The following ATP1A1 variants were observed in gnomAD, a reference collection of about 807,000 sequenced individuals.
The protein encoded by ATP1A1 is ATPase Na+/K+ transporting subunit alpha 1, also known as sodium/potassium-transporting ATPase subunit alpha-1.
A neutral mutation model predicts 114.8 loss-of-function variants in ATP1A1; 14 were observed. That is an observed-to-expected ratio of 0.12 (90% CI 0.08 to 0.19). The LOEUF is 0.19. ATP1A1 is among the 10% of genes least tolerant of loss of function. The pLI is 1.00. For synonymous variants in ATP1A1, 471 were observed against 466.3 expected, an observed-to-expected ratio of 1.01 and a Z score of -0.13; for missense variants, 524 against 1,290.7, an observed-to-expected ratio of 0.41 and a Z score of 9.10.
At chr1:116,394,940 A>G (rs949333310) in intron 12 of ATP1A1, among the ~76,000 whole-genome samples, 170 bp from the exon 13 acceptor site, 13 of 152,144 alleles carry the variant, frequency 8.5e-5, no homozygotes, top group African/African-American at 2.2e-4. Context: ...CAGTGACTCT[A>G]TCGTTCATAA....
rs1651977619 is a variant in ATP1A1, at chr1:116,384,861, G to A, written c.183+19G>A. On this transcript the variant is annotated intron_variant, in intron 3 of 22. Coordinates refer to ENST00000295598, the MANE Select transcript of ATP1A1 (RefSeq NM_000701.8). This position sits in a 1 kb window ranked among gnomAD's most constrained non-coding sequence, Gnocchi z 5.1. ...GAGCCGGGTATGTTCTAGTTTGAAAGCTGTTGTACAAAATCCTAGTTTTCC... is the reference window on the plus strand; with the variant it reads ...GAGCCGGGTATGTTCTAGTTTGAAAACTGTTGTACAAAATCCTAGTTTTCC... The A allele has an allele frequency of 3.7e-6, 6 of 1,612,282 alleles. No individual in the cohort carries two copies. The highest frequency in any genetic ancestry group is 4.2e-6 in the Non-Finnish European group (5 of 1,178,558).
rs1653214869 is a variant in ATP1A1, at chr1:116,399,155, C to G, written c.2448+71C>G. On this transcript the variant is annotated intron_variant, in intron 17 of 22. Transcript: ENST00000295598. The surrounding 1 kb of genome is among the most constrained non-coding windows in gnomAD (Gnocchi z 5.0). ...TGTGTCTTCATTCACTGGCACTATG[C>G]TCCCAGCATCCATGAGGCTGGCGTT... is the stretch of plus-strand genomic sequence containing the variant. The G allele has an allele frequency of 3.8e-6, 6 of 1,596,672 alleles. No homozygotes were observed. Among genetic ancestry groups the G allele is most frequent in the Non-Finnish European group, 5.1e-6 (6 of 1,166,650 alleles).
At position 116,395,074 on chromosome 1, in the gene ATP1A1, C is replaced by T; in HGVS notation, c.1661-36C>T. 6.2e-7 allele frequency: 1 copy of T among 1,603,504 alleles called. No individual in the cohort carries two copies. Among genetic ancestry groups the T allele is most frequent in the Non-Finnish European group, 8.5e-7 (1 of 1,173,690 alleles). ...TGTTGTCCTTCTTACTGCCCAGCGT[C>T]ACTGAAATTTTCAAAGGCTCCTGTC... is the stretch of plus-strand genomic sequence containing the variant. On this transcript the variant is annotated intron_variant, in intron 12 of 22. Transcript: ENST00000295598. This position sits in a 1 kb window ranked among gnomAD's most constrained non-coding sequence, Gnocchi z 6.4.
rs775243249 is a variant in ATP1A1, at chr1:116,390,342, C to T, written c.1153C>T (p.Arg385Trp). Residue 385 changes from arginine to tryptophan, a missense_variant, in exon 9 of 23, where the codon CGG (arginine) becomes TGG (tryptophan). Transcript: ENST00000295598. ...TAAAACTGGAACTCTGACTCAGAAC[C>T]GGATGACAGTGGCCCACATGTGGTT... is the stretch of plus-strand genomic sequence containing the variant. ...SDKTGTLTQN[R>W]MTVAHMWFDN... 3 of 1,613,988 alleles carry T rather than the reference C, an allele frequency of 1.9e-6. No individual in the cohort carries two copies. The highest frequency in any genetic ancestry group is 1.7e-6 in the Non-Finnish European group (2 of 1,180,036).
At position 116,403,981 on chromosome 1, in the gene ATP1A1, T is replaced by C; in HGVS notation, c.3043+6T>C. The stretch of plus-strand genomic sequence containing the variant: ...CATCAGGCGACGCCCTGGCGGTAAT[T>C]ATGGGCATTCTGACTTTGGTTGGAG... On this transcript the variant is annotated splice_donor_region_variant and intron_variant, in intron 22 of 22. Coordinates refer to ENST00000295598, the MANE Select transcript of ATP1A1 (RefSeq NM_000701.8). 1 of 1,613,006 alleles carries C rather than the reference T, an allele frequency of 6.2e-7. No homozygotes were observed. Among genetic ancestry groups the C allele is most frequent in the South Asian group, 1.1e-5 (1 of 90,966 alleles).
intron 1 of ATP1A1, among the ~76,000 whole-genome samples, chr1:116,380,303 C>T (rs1043477053): frequency 7.9e-5 from 12 of 152,138 alleles, no homozygotes; most frequent in African/African-American, 2.9e-4. Flanking sequence ...CTTTCAAGTA[C>T]CCTCTAAACT....
chr1:116,400,404 G>A (rs937679255), intron 18 of ATP1A1, among the ~76,000 whole-genome samples: 4 of 152,156 alleles, frequency 2.6e-5, no homozygotes, highest in African/African-American at 7.2e-5. Flanking sequence ...GGATGCCAGG[G>A]GGAGGAGGGT....
At chr1:116,396,030 A>G (rs1652887190) in intron 13 of ATP1A1, among the ~76,000 whole-genome samples, 1 of 152,118 alleles carries the variant, frequency 6.6e-6, no homozygotes, top group South Asian at 2.1e-4. Flanking sequence ...TGGGGTTACA[A>G]GCGTGAGCCA....
rs1653226190 is a variant in ATP1A1, at chr1:116,399,294, CTT to C, written c.2449-124_2449-123del. 1.4e-6 allele frequency: 2 copies of C among 1,428,182 alleles called. No homozygotes were observed. Among genetic ancestry groups the C allele is most frequent in the Non-Finnish European group, 1.9e-6 (2 of 1,052,072 alleles). The allele number at this position is 1,428,182 out of a possible 1,614,324, so 88.5% of individuals were successfully genotyped here. The stretch of plus-strand genomic sequence containing the variant: ...TAACATTTGTTTATCAGATGGGAAT[CTT>C]TATTTTTGTATACTTCACCTAAAAG... On this transcript the variant is annotated intron_variant, in intron 17 of 22. Coordinates refer to ENST00000295598, the MANE Select transcript of ATP1A1 (RefSeq NM_000701.8). The surrounding 1 kb of genome is among the most constrained non-coding windows in gnomAD (Gnocchi z 5.0).
At position 116,389,746 on chromosome 1, in the gene ATP1A1, T is replaced by C. The variant is rs551268128; in HGVS notation, c.1023+39T>C. ...GATGGTCACCCTGACTCAGATCAGCTTGCACGAATGTTACACTCTTCCGCT... is the reference window on the plus strand; with the variant it reads ...GATGGTCACCCTGACTCAGATCAGCCTGCACGAATGTTACACTCTTCCGCT... On this transcript the variant is annotated intron_variant, in intron 8 of 22. Coordinates refer to ENST00000295598, the MANE Select transcript of ATP1A1 (RefSeq NM_000701.8). This position sits in a 1 kb window ranked among gnomAD's most constrained non-coding sequence, Gnocchi z 6.9. 3.7e-6 allele frequency: 6 copies of C among 1,611,160 alleles called. No individual in the cohort carries two copies. Among genetic ancestry groups the C allele is most frequent in the Non-Finnish European group, 4.2e-6 (5 of 1,177,744 alleles).
intron 18 of ATP1A1, among the ~76,000 whole-genome samples, chr1:116,400,240 A>G (rs1041302991): frequency 1.2e-4 from 18 of 152,252 alleles, no homozygotes; most frequent in African/African-American, 4.3e-4. Flanking sequence ...TATGGCAAAG[A>G]TTCATTAGAC....
rs1256886752 is a variant in ATP1A1, at chr1:116,404,630, C to A, written c.*186C>A. 2 of 1,312,074 alleles carry A rather than the reference C, an allele frequency of 1.5e-6. No homozygotes were observed. The highest frequency in any genetic ancestry group is 1.9e-6 in the Non-Finnish European group (2 of 1,034,606). The allele number at this position is 1,312,074 out of a possible 1,614,324, so 81.3% of individuals were successfully genotyped here. A position where few individuals can be genotyped will look rare whatever the true frequency, so the allele number is the denominator to read the frequency against. On this transcript the variant is annotated 3_prime_UTR_variant, in exon 23 of 23. Transcript: ENST00000295598. The surrounding 1 kb of genome is among the most constrained non-coding windows in gnomAD (Gnocchi z 4.8). ...CTATGGGGGGAGGGGGGAGGGCTGC[C>A]TGAAAACCATCCATCTGTGGAAATG...
In ATP1A1 at chr1:116,395,158, A is replaced by C; in HGVS notation, c.1709A>C (p.Gln570Pro). ...LPDEQFPEGFQFDTDDVNFPI... is the reference protein window; with the variant it reads ...LPDEQFPEGFPFDTDDVNFPI... ...GATGAACAGTTTCCTGAAGGGTTCC[A>C]GTTTGACACTGACGATGTGAATTTC... Residue 570 changes from glutamine to proline, a missense_variant, in exon 13 of 23, where the codon CAG becomes CCG. Physicochemically the swap from Gln to Pro is moderately conservative, Grantham distance 76 (BLOSUM62 -1). Coordinates refer to ENST00000295598, the MANE Select transcript of ATP1A1 (RefSeq NM_000701.8). The surrounding 1 kb of genome is among the most constrained non-coding windows in gnomAD (Gnocchi z 6.4). The C allele has an allele frequency of 6.2e-7, 1 of 1,614,144 alleles. No individual in the cohort carries two copies. Among genetic ancestry groups the C allele is most frequent in the Non-Finnish European group, 8.5e-7 (1 of 1,179,998 alleles).
chr1:116,402,651 T>C (rs552509000), intron 21 of ATP1A1, among the ~76,000 whole-genome samples: 1 of 152,332 alleles, frequency 6.6e-6, no homozygotes, highest in African/African-American at 2.4e-5. Flanking sequence ...TCCAAGCTCA[T>C]GTTAGGTGAA....
chr1:116,393,505 GT>G lies in ATP1A1; in HGVS notation c.1468-23del. 6.3e-7 allele frequency: 1 copy of G among 1,596,848 alleles called. No individual in the cohort carries two copies. The highest frequency in any genetic ancestry group is 1.1e-5 in the South Asian group (1 of 89,526). On this transcript the variant is annotated intron_variant, in intron 11 of 22. Transcript: ENST00000295598. This position sits in a 1 kb window ranked among gnomAD's most constrained non-coding sequence, Gnocchi z 5.0. ...ACTGCCACACATCCAACCATCCAAT[GT>G]TTATGTCTCAACAATCCTTCACAGT...
intron 1 of ATP1A1, among the ~76,000 whole-genome samples, chr1:116,380,567 A>G (rs943150678): frequency 9.9e-5 from 15 of 152,072 alleles, no homozygotes; most frequent in Admixed American, 9.2e-4. Flanking sequence ...TCTATCCCCA[A>G]CCCTGTCCCC....
intron 13 of ATP1A1, among the ~76,000 whole-genome samples, chr1:116,396,048 C>T (rs568920906): frequency 2.7e-4 from 41 of 152,272 alleles, no homozygotes; most frequent in African/African-American, 9.1e-4. Context: ...CCACCACACC[C>T]GGCCTACTCT....
In ATP1A1 at chr1:116,388,802, G is replaced by A. The variant is rs574643558; in HGVS notation, c.636+30G>A. On this transcript the variant is annotated intron_variant, in intron 6 of 22. Transcript: ENST00000295598. The surrounding 1 kb of genome is among the most constrained non-coding windows in gnomAD (Gnocchi z 5.6). ...CTCTTTTATTTTAACAAACCTCATA[G>A]CTAGCTCTGCTGTTCGGGCAGCTTG... The A allele has an allele frequency of 2.5e-6, 4 of 1,613,536 alleles. No individual in the cohort carries two copies. Among genetic ancestry groups the A allele is most frequent in the South Asian group, 2.2e-5 (2 of 91,024 alleles).
intron 21 of ATP1A1, 34 bp from the exon 22 acceptor site, chr1:116,403,850 G>A (rs746455839): frequency 6.3e-5 from 96 of 1,531,788 alleles, no homozygotes; most frequent in Non-Finnish European, 8.1e-5. Context: ...CTGTGTTCGT[G>A]TGCATATAAA....
Sources: gnomAD v4.1 joint callset for allele counts (sites outside exome capture counted in the v4.1 genomes callset) on GRCh38, gnomAD v4.1.1 for gene constraint, Gnocchi (gnomAD v3.1) non-coding constraint, MANE v1.5 for transcripts, NCBI Gene and HGNC (gene_info 2026-07-23, HGNC 2026-07-21) for gene names.